The following MYO1E variants were observed in gnomAD, a reference collection of about 807,000 sequenced individuals.
The protein encoded by MYO1E is myosin IE, also known as unconventional myosin-Ie.
A neutral mutation model predicts 151.1 loss-of-function variants in MYO1E; 68 were observed. That is an observed-to-expected ratio of 0.45 (90% CI 0.37 to 0.55). The LOEUF is 0.55. MYO1E is among the 20% of genes least tolerant of loss of function. The pLI is 0.00. For synonymous variants in MYO1E, 601 were observed against 501.7 expected (o/e 1.20, Z -2.64); for missense variants, 1,363 against 1,389.3 (o/e 0.98, Z 0.30).
intron 1 of MYO1E, among the ~76,000 whole-genome samples, chr15:59,353,573 T>C (rs1979513): frequency 0.86 from 130,489 of 150,912 alleles, 58,725 homozygotes; most frequent in East Asian, 1. Flanking sequence ...CTGGCTAACA[T>C]GGAGAAACCC....
chr15:59,220,024 G>A (rs1308113089), intron 9 of MYO1E, among the ~76,000 whole-genome samples: 1 of 152,228 alleles, frequency 6.6e-6, no homozygotes. Context: ...GGGTTGTTGT[G>A]AGAATCAAGA....
chr15:59,240,056 G>A (rs2080090472), intron 4 of MYO1E, among the ~76,000 whole-genome samples: 1 of 152,292 alleles, frequency 6.6e-6, no homozygotes, highest in Middle Eastern at 3.4e-3. Context: ...TACGCTTCCA[G>A]GCAGCCCGTC....
chr15:59,342,245 A>AT (rs2080770031), intron 1 of MYO1E, among the ~76,000 whole-genome samples: 1 of 152,162 alleles, frequency 6.6e-6, no homozygotes, highest in Admixed American at 6.5e-5. Flanking sequence ...CTACAGAGTT[A>AT]TTTGAGTTCC....
intron 1 of MYO1E, among the ~76,000 whole-genome samples, chr15:59,277,851 G>T (rs1387424736): frequency 1.3e-5 from 2 of 152,160 alleles, no homozygotes; most frequent in African/African-American, 4.8e-5. Context: ...TGGAATTACT[G>T]AATTTGTGTA....
At chr15:59,214,488 A>T (rs946080450) in intron 11 of MYO1E, 152 bp downstream of exon 11, 41 of 965,056 alleles carry the variant, frequency 4.2e-5, no homozygotes, top group Non-Finnish European at 6.5e-5. Context: ...CACATGAAGA[A>T]CTCACAAAGG....
chr15:59,292,919 AT>A, intron 1 of MYO1E, among the ~76,000 whole-genome samples: 1 of 152,140 alleles, frequency 6.6e-6, no homozygotes, highest in Admixed American at 6.5e-5. Context: ...ATCCCATAGG[AT>A]TTGAGGTGGC....
chr15:59,152,777 T>C (rs1416557168), intron 26 of MYO1E, among the ~76,000 whole-genome samples: 2 of 152,160 alleles, frequency 1.3e-5, no homozygotes, highest in Non-Finnish European at 2.9e-5. Flanking sequence ...TTTCCCCTTA[T>C]CTACCATTTG....
At position 59,207,046 on chromosome 15, in the gene MYO1E, A is replaced by C. The variant is rs754204070; in HGVS notation, c.1531-1561T>G. ...CCTGTGTCCGCGTCAAGCAACGCGC[A>C]TCCCGCTCAACGGCACCTGGCTCTT... On this transcript the variant is annotated intron_variant, in intron 14 of 27. Transcript: ENST00000288235. 12 of 1,614,234 alleles carry C rather than the reference A, an allele frequency of 7.4e-6. No individual in the cohort carries two copies. The East Asian group carries it at 2.5e-4, about 33-fold the overall frequency.
At chr15:59,343,530 G>A (rs545352096) in intron 1 of MYO1E, among the ~76,000 whole-genome samples, 11 of 151,826 alleles carry the variant, frequency 7.2e-5, no homozygotes, top group Admixed American at 2.0e-4. Flanking sequence ...TAACCTTCTT[G>A]TACTTAAACT....
chr15:59,216,721 CACAT>C (rs1420816078), intron 10 of MYO1E, among the ~76,000 whole-genome samples: 16 of 120,724 alleles, frequency 1.3e-4, no homozygotes, highest in African/African-American at 4.6e-4. Flanking sequence ...CACACACACA[CACAT>C]AATTATGCCA....
chr15:59,236,160 A>G (rs558062104), intron 5 of MYO1E, among the ~76,000 whole-genome samples: 19 of 151,948 alleles, frequency 1.3e-4, no homozygotes, highest in African/African-American at 4.6e-4. Flanking sequence ...TGGCCAACAT[A>G]GTGAAACCCC....
chr15:59,302,477 T>C (rs1311881109), intron 1 of MYO1E, among the ~76,000 whole-genome samples: 3 of 152,218 alleles, frequency 2.0e-5, no homozygotes, highest in African/African-American at 7.2e-5. Flanking sequence ...TTAGTCTCAC[T>C]TTCCTCATCC....
In MYO1E at chr15:59,285,129, C is replaced by CA. The variant is rs370113320; in HGVS notation, c.4-12681dup. Reference sequence around the variant, plus strand: ...AATGTAACTTTTCTTCCTAATCTAGCAAACTGATTAAAATCAACAGACTTG... The same window carrying CA: ...AATGTAACTTTTCTTCCTAATCTAGCAAAACTGATTAAAATCAACAGACTTG... On this transcript the variant is annotated intron_variant, in intron 1 of 27. Transcript: ENST00000288235. Among the ~76,000 whole-genome samples, 1,151 of 152,306 alleles carry CA rather than the reference C, an allele frequency of 7.6e-3. 8 individuals carry two copies. Among genetic ancestry groups the CA allele is most frequent in the African/African-American group, 0.026 (1,075 of 41,554 alleles).
intron 2 of MYO1E, among the ~76,000 whole-genome samples, chr15:59,269,183 C>CTGCCCTAG (rs1232972403): frequency 1.3e-5 from 2 of 152,282 alleles, no homozygotes. Context: ...ACTTACACAC[C>CTGCCCTAG]TGCATGGTAA....
intron 17 of MYO1E, among the ~76,000 whole-genome samples, chr15:59,192,052 G>A (rs1297213966): frequency 1.3e-5 from 2 of 152,288 alleles, no homozygotes; most frequent in East Asian, 1.9e-4. Flanking sequence ...AGCTTCAACT[G>A]GGTGTGTAAT....
Position 59,307,787 on chromosome 15 carries a change from T to C in MYO1E, c.4-35338A>G, listed in dbSNP as rs2080523739. Among the ~76,000 whole-genome samples the C allele has an allele frequency of 2.6e-5, 4 of 151,840 alleles. No homozygotes were observed. In the South Asian group the frequency reaches 8.3e-4, roughly 32 times the overall value. On this transcript the variant is annotated intron_variant, in intron 1 of 27. Coordinates refer to ENST00000288235, the MANE Select transcript of MYO1E (RefSeq NM_004998.4). ...CACTATGGCCGGCTAACTTTCTATCTTTAGTAGAGGTGGGGTTTCTCCATG... is the reference window on the plus strand; with the variant it reads ...CACTATGGCCGGCTAACTTTCTATCCTTAGTAGAGGTGGGGTTTCTCCATG...
In MYO1E at chr15:59,137,066, A is replaced by G; in HGVS notation, c.*314T>C. On this transcript the variant is annotated 3_prime_UTR_variant, in exon 28 of 28. Transcript: ENST00000288235. ...TGAGCAAGCAGGGTGCTGTTTTGAT[A>G]GAAGCCTACAAGGTCTGAGCAGACC... 1.4e-5 allele frequency: 6 copies of G among 416,988 alleles called. No individual in the cohort carries two copies. The highest frequency in any genetic ancestry group is 1.3e-4 in the South Asian group (6 of 45,582). 25.8% of individuals were successfully genotyped at this position (416,988 alleles called of 1,614,324 possible).
intron 12 of MYO1E, among the ~76,000 whole-genome samples, chr15:59,211,077 G>A (rs549322913): frequency 1.5e-4 from 23 of 152,068 alleles, no homozygotes; most frequent in African/African-American, 5.5e-4. Flanking sequence ...GGGCGCGCCT[G>A]TAATCCCGGC....
At chr15:59,247,149 T>C (rs1186035259) in intron 4 of MYO1E, among the ~76,000 whole-genome samples, 1 of 152,114 alleles carries the variant, frequency 6.6e-6, no homozygotes, top group South Asian at 2.1e-4. Flanking sequence ...TGTGTTGAAA[T>C]TGTGCCACTG....
Sources: allele counts gnomAD v4.1 joint callset (sites outside exome capture counted in the v4.1 genomes callset), GRCh38; gene constraint gnomAD v4.1.1; transcripts MANE v1.5; gene names NCBI Gene and HGNC (gene_info 2026-07-23, HGNC 2026-07-21).